Variants in CHCHD4 observed in about 807,000 individuals in gnomAD.
The protein encoded by CHCHD4 is coiled-coil-helix-coiled-coil-helix domain containing 4.
A neutral mutation model predicts 12.4 loss-of-function variants in CHCHD4; 7 were observed. The ratio of observed to expected loss-of-function variants is 0.57; its 90% CI spans 0.32 to 1.06. CHCHD4 has a LOEUF of 1.06. Among genes scored for constraint, CHCHD4 ranks in the 50% least tolerant of loss-of-function variants. The pLI is 0.04. For synonymous variants in CHCHD4, 56 were observed against 58.0 expected (o/e 0.97, Z 0.16); for missense variants, 143 against 175.1 (o/e 0.82, Z 1.03).
rs202236723 is a variant in CHCHD4, at chr3:14,118,796, T to TA, written c.23-2273_23-2272insT. On this transcript the variant is annotated intron_variant, in intron 1 of 2. Coordinates refer to ENST00000396914, the MANE Select transcript of CHCHD4 (RefSeq NM_001098502.2). Reference sequence around the variant, plus strand: ...CAGTTTCCAAAATACTCAAAAGCAATCTGTAAAAATGTTGAACGCTAAGCA... The same window carrying TA: ...CAGTTTCCAAAATACTCAAAAGCAATACTGTAAAAATGTTGAACGCTAAGCA... 4.1e-3 allele frequency among the ~76,000 whole-genome samples: 619 copies of TA among 152,270 alleles called. 5 individuals carry two copies. The highest frequency in any genetic ancestry group is 0.014 in the African/African-American group (595 of 41,552).
chr3:14,121,339 C>T (rs1694931735), intron 1 of CHCHD4, among the ~76,000 whole-genome samples: 5 of 152,170 alleles, frequency 3.3e-5, no homozygotes, highest in African/African-American at 1.2e-4. Flanking sequence ...TCCGAGATGA[C>T]GCTACTCCTG....
intron 1 of CHCHD4, among the ~76,000 whole-genome samples, chr3:14,121,246 G>C (rs1318106239): frequency 6.6e-6 from 1 of 152,132 alleles, no homozygotes; most frequent in African/African-American, 2.4e-5. Flanking sequence ...GCTCTTTCTG[G>C]CTGCTTGTAG....
rs1694877531 is a variant in CHCHD4 at position 14,116,480 on chromosome 3, G to C, written c.67C>G (p.Pro23Ala). ...TCAGCCACCAATTCTGCACTGCTTG[G>C]AGTTTCATGATCTTCTTTGGTTACA... is the stretch of plus-strand genomic sequence containing the variant. ...IFVTKEDHET[P>A]SSAELVADDP... Residue 23 changes from proline to alanine, a missense_variant, in exon 2 of 3, where the codon CCA becomes GCA. By Grantham distance (27) the Pro-to-Ala change is conservative (BLOSUM62 -1). Coordinates refer to ENST00000396914, the MANE Select transcript of CHCHD4 (RefSeq NM_001098502.2). 6.2e-7 allele frequency: 1 copy of C among 1,613,770 alleles called. No homozygotes were observed. Among genetic ancestry groups the C allele is most frequent in the Non-Finnish European group, 8.5e-7 (1 of 1,179,698 alleles).
At chr3:14,120,202 C>T (rs1694918136) in intron 1 of CHCHD4, among the ~76,000 whole-genome samples, 1 of 151,934 alleles carries the variant, frequency 6.6e-6, no homozygotes, top group South Asian at 2.1e-4. Flanking sequence ...AGTGAGCAGT[C>T]AGATACAAAG....
At position 14,124,686 on chromosome 3, in the gene CHCHD4, C is replaced by A; in HGVS notation, c.-10G>T. The A allele has an allele frequency of 6.5e-7, 1 of 1,528,828 alleles. No homozygotes were observed. 94.7% of individuals were successfully genotyped at this position (1,528,828 alleles called of 1,614,324 possible). A position where few individuals can be genotyped will look rare whatever the true frequency, so the allele number is the denominator to read the frequency against. On this transcript the variant is annotated 5_prime_UTR_variant, in exon 1 of 3. Coordinates refer to ENST00000396914, the MANE Select transcript of CHCHD4 (RefSeq NM_001098502.2). ...GCCGGCAATAGGACATGGCTGCAGC[C>A]CGTCCCTGAGACCTTGCAGAAGCGG... is the stretch of plus-strand genomic sequence containing the variant.
Position 14,112,698 on chromosome 3 carries a change from C to G in CHCHD4, c.*189G>C, listed in dbSNP as rs1264239525. On this transcript the variant is annotated 3_prime_UTR_variant, in exon 3 of 3. Coordinates refer to ENST00000396914, the MANE Select transcript of CHCHD4 (RefSeq NM_001098502.2). The stretch of plus-strand genomic sequence containing the variant: ...GGTTTGGGTAGGACACACATACATA[C>G]AACCCCCATTTTTTTCAGTGTATAT... The G allele has an allele frequency of 1.8e-6, 1 of 565,512 alleles. No homozygotes were observed. The highest frequency in any genetic ancestry group is 2.9e-5 in the East Asian group (1 of 35,070). The allele number at this position is 565,512 out of a possible 1,614,324, so 35.0% of individuals were successfully genotyped here.
intron 1 of CHCHD4, chr3:14,119,334 C>T (rs1694908809): frequency 6.6e-6 from 1 of 152,248 alleles, no homozygotes; most frequent in African/African-American, 2.4e-5. Flanking sequence ...GACCAAAAGA[C>T]ATGCAGTAAA....
intron 2 of CHCHD4, 86 bp downstream of exon 2, chr3:14,116,340 T>C (rs1251408164): frequency 2.1e-6 from 2 of 965,880 alleles, no homozygotes; most frequent in Non-Finnish European, 3.4e-6. Flanking sequence ...TGGCCTTGGC[T>C]AGGAAAACAT....
intron 1 of CHCHD4, among the ~76,000 whole-genome samples, chr3:14,117,688 G>C (rs563937874): frequency 6.6e-6 from 1 of 152,336 alleles, no homozygotes; most frequent in African/African-American, 2.4e-5. Flanking sequence ...GACAGAGCCA[G>C]TCCATCTTTT....
At chr3:14,121,873 A>G (rs1694938658) in intron 1 of CHCHD4, 1 of 1,613,912 alleles carries the variant, frequency 6.2e-7, no homozygotes, top group Non-Finnish European at 8.5e-7. Flanking sequence ...TTTCAGACAG[A>G]GTGTTAAGAA....
At chr3:14,116,169 A>G (rs1257507349) in intron 2 of CHCHD4, among the ~76,000 whole-genome samples, 1 of 152,186 alleles carries the variant, frequency 6.6e-6, no homozygotes, top group Non-Finnish European at 1.5e-5. Flanking sequence ...TAACCTACCT[A>G]TAACTGCTGG....
chr3:14,120,216 C>A (rs868294544), intron 1 of CHCHD4, among the ~76,000 whole-genome samples: 1 of 151,982 alleles, frequency 6.6e-6, no homozygotes. Flanking sequence ...TACAAAGACA[C>A]CTTCCACCCC....
At chr3:14,116,329 T>G in intron 2 of CHCHD4, 97 bp downstream of exon 2, 2 of 855,906 alleles carry the variant, frequency 2.3e-6, no homozygotes, top group South Asian at 1.3e-5. Context: ...ACCTGAAAAC[T>G]TGGCCTTGGC....
chr3:14,124,410 T>C (rs1233642824), intron 1 of CHCHD4, among the ~76,000 whole-genome samples: 3 of 152,142 alleles, frequency 2.0e-5, no homozygotes, highest in African/African-American at 7.2e-5. Flanking sequence ...CACAGGCCCC[T>C]CTGAGGTCAG....
Position 14,124,828 on chromosome 3 carries a change from G to A in CHCHD4, c.-152C>T, listed in dbSNP as rs1694991201. ...GGCCTGCCCGCCGCGCGCCTGCCTC[G>A]GCGCCCTCGCAACCGCGGCCAGGCC... On this transcript the variant is annotated 5_prime_UTR_variant, in exon 1 of 3. Coordinates refer to ENST00000396914, the MANE Select transcript of CHCHD4 (RefSeq NM_001098502.2). The A allele has an allele frequency of 1.7e-5, 16 of 932,992 alleles. No individual in the cohort carries two copies. The highest frequency in any genetic ancestry group is 2.5e-5 in the Non-Finnish European group (16 of 640,474). 57.8% of individuals were successfully genotyped at this position (932,992 alleles called of 1,614,324 possible).
In CHCHD4 at chr3:14,120,383, CAGCCACGCTGGCCTCT is replaced by C. The variant is rs143109650; in HGVS notation, c.23-3875_23-3860del. On this transcript the variant is annotated intron_variant, in intron 1 of 2. Coordinates refer to ENST00000396914, the MANE Select transcript of CHCHD4 (RefSeq NM_001098502.2). Reference sequence around the variant, plus strand: ...TCTCCCACCATCACTCCCTGCACTCCAGCCACGCTGGCCTCTGCTTTTACTTGAATGTGCTGAGCAC... The same window carrying C: ...TCTCCCACCATCACTCCCTGCACTCCGCTTTTACTTGAATGTGCTGAGCAC... Among the ~76,000 whole-genome samples the C allele has an allele frequency of 2.5e-3, 386 of 152,262 alleles. 13 individuals carry two copies. In the East Asian group the frequency reaches 0.07, roughly 27 times the overall value.
intron 2 of CHCHD4, 45 bp from the exon 3 acceptor site, chr3:14,113,239 T>C: frequency 6.7e-7 from 1 of 1,503,630 alleles, no homozygotes; most frequent in Non-Finnish European, 9.1e-7. Flanking sequence ...TTTCAGAAAA[T>C]ACAAAACTAG....
intron 2 of CHCHD4, 52 bp downstream of exon 2, chr3:14,116,374 G>T: frequency 8.3e-7 from 1 of 1,201,966 alleles, no homozygotes; most frequent in Non-Finnish European, 1.2e-6. Flanking sequence ...AGAACACTGA[G>T]CTTCTCCCCA....
intron 2 of CHCHD4, among the ~76,000 whole-genome samples, chr3:14,116,075 G>A (rs563210405): frequency 2.4e-4 from 37 of 152,306 alleles, no homozygotes; most frequent in Non-Finnish European, 4.3e-4. Flanking sequence ...AGAACAAGGT[G>A]AATGACTGTC....
Sources: gnomAD v4.1 joint callset for allele counts (sites outside exome capture counted in the v4.1 genomes callset) on GRCh38, gnomAD v4.1.1 for gene constraint, MANE v1.5 for transcripts, NCBI Gene and HGNC (gene_info 2026-07-23, HGNC 2026-07-21) for gene names.